Variants in ZNF544 observed in about 807,000 individuals in gnomAD.
ZNF544 encodes zinc finger protein 544, also known as zinc finger protein AF020591.
A neutral mutation model predicts 13.5 loss-of-function variants in ZNF544; 10 were observed. The ratio of observed to expected loss-of-function variants is 0.74; its 90% confidence interval spans 0.46 to 1.25. The LOEUF is 1.25. Ranked by LOEUF, ZNF544 falls within the 50% of genes most tolerant of loss-of-function variation. The probability of loss-of-function intolerance (pLI) is 0.00; values close to 1 mark genes in which losing one functional copy is unlikely to be tolerated. For missense variants in ZNF544, 896 were observed against 845.6 expected (o/e 1.06, Z -0.74); for synonymous variants, 323 against 300.5 (o/e 1.07, Z -0.77).
intron 6 of ZNF544, 136 bp downstream of exon 6, chr19:58,246,930 C>T: frequency 1.4e-6 from 1 of 694,506 alleles, no homozygotes; most frequent in East Asian, 2.7e-5. Context: ...GCAGTTCACC[C>T]ATTCAAAGGA....
At chr19:58,246,462 C>T in intron 5 of ZNF544, 35 bp downstream of exon 5, 1 of 1,611,898 alleles carries the variant, frequency 6.2e-7, no homozygotes, top group African/African-American at 1.3e-5. Context: ...AGGTTCTACC[C>T]CTAGGACTCA....
chr19:58,239,061 A>T (rs2146730913), intron 3 of ZNF544, among the ~76,000 whole-genome samples: 1 of 152,212 alleles, frequency 6.6e-6, no homozygotes, highest in East Asian at 1.9e-4. Flanking sequence ...CAGGAAGAGA[A>T]GGTGGTGAAA....
chr19:58,238,893 T>C (rs1048728755), intron 3 of ZNF544, among the ~76,000 whole-genome samples: 1 of 151,244 alleles, frequency 6.6e-6, no homozygotes, highest in African/African-American at 2.4e-5. Flanking sequence ...TACAATGCCC[T>C]GATCAGCATG....
rs117179984 is a variant in ZNF544 at position 58,249,001 on chromosome 19, A to G, written c.244+2207A>G. On this transcript the variant is annotated intron_variant, in intron 6 of 6. Coordinates refer to ENST00000687789, the MANE Select transcript of ZNF544 (RefSeq NM_014480.4). ...AGTGAAGTTACAAAGTTACACCTCT[A>G]TGCAGATGAAAACTAGGCCAGTGAC... Among the ~76,000 whole-genome samples the G allele has an allele frequency of 9.2e-3, 1,397 of 152,314 alleles. 50 individuals carry two copies. The highest frequency in any genetic ancestry group is 0.052 in the Admixed American group (796 of 15,288).
downstream of ZNF544, among the ~76,000 whole-genome samples, chr19:58,265,606 T>G (rs1235885362): frequency 6.6e-6 from 1 of 151,944 alleles, no homozygotes; most frequent in African/African-American, 2.4e-5. Context: ...CATTTATTTT[T>G]ATTTTTTGAC....
At chr19:58,243,203 C>T (rs139126229) in intron 3 of ZNF544, among the ~76,000 whole-genome samples, 2 of 152,032 alleles carry the variant, frequency 1.3e-5, no homozygotes, top group East Asian at 1.9e-4. Context: ...GTCGAGTGAG[C>T]GTAGTCATAT....
At chr19:58,233,849 T>A (rs1348633144) in intron 3 of ZNF544, among the ~76,000 whole-genome samples, 1 of 152,212 alleles carries the variant, frequency 6.6e-6, no homozygotes, top group Non-Finnish European at 1.5e-5. Context: ...CATTCCCACT[T>A]GGAAATTGTG....
Position 58,263,434 on chromosome 19 carries a change from C to T in ZNF544, c.*680C>T, listed in dbSNP as rs544900810. The T allele has an allele frequency of 1.4e-4, 142 of 985,096 alleles. 2 individuals are homozygous for T. In the African/African-American group the frequency reaches 2.2e-3, roughly 15 times the overall value. 61.0% of individuals were successfully genotyped at this position (985,096 alleles called of 1,614,324 possible). A position where few individuals can be genotyped will look rare whatever the true frequency, so the allele number is the denominator to read the frequency against. On this transcript the variant is annotated 3_prime_UTR_variant, in exon 7 of 7. Coordinates refer to ENST00000687789, the MANE Select transcript of ZNF544 (RefSeq NM_014480.4). Reference sequence around the variant, plus strand: ...TGTGATCATGCCATCACACCGCTGCCTTGTGAGAGATTGAGACACTCTAAA... The same window carrying T: ...TGTGATCATGCCATCACACCGCTGCTTTGTGAGAGATTGAGACACTCTAAA...
At chr19:58,250,596 T>C (rs544166508) in intron 6 of ZNF544, among the ~76,000 whole-genome samples, 1 of 152,340 alleles carries the variant, frequency 6.6e-6, no homozygotes, top group African/African-American at 2.4e-5. Context: ...CTGATGACTT[T>C]TCAAGGTTCC....
rs1343039669 is a variant in ZNF544, at chr19:58,246,408, G to A, written c.141G>A (p.Trp47Ter). The change falls in exon 5 of 7, where the codon TGG becomes TGA. Residue 47 changes from tryptophan (W) to a stop codon, truncating the protein, a stop_gained. Transcript: ENST00000687789. LOFTEE classifies it high-confidence loss of function. ...TLYREVTLET[W>*]EHIVSLGLFL... Reference sequence around the variant, plus strand: ...ACCGAGAGGTGACACTGGAGACCTGGGAGCATATTGTCTCCCTGGGTAAGT... The same window carrying A: ...ACCGAGAGGTGACACTGGAGACCTGAGAGCATATTGTCTCCCTGGGTAAGT... The A allele has an allele frequency of 1.9e-6, 3 of 1,613,950 alleles. No homozygotes were observed. The highest frequency in any genetic ancestry group is 3.3e-5 in the Admixed American group (2 of 59,986).
At chr19:58,241,176 T>TTTTAA (rs2043638126) in intron 3 of ZNF544, among the ~76,000 whole-genome samples, 1 of 92,566 alleles carries the variant, frequency 1.1e-5, no homozygotes, top group African/African-American at 4.7e-5. Flanking sequence ...TATATATATA[T>TTTTAA]ATATTTTTTT....
Position 58,261,904 on chromosome 19 carries a change from A to G in ZNF544, c.1298A>G (p.Glu433Gly). Residue 433 changes from glutamate to glycine, a missense_variant, in exon 7 of 7, where the codon GAA becomes GGA. Glu to Gly is a moderately conservative substitution (Grantham distance 98, BLOSUM62 -2). Transcript: ENST00000687789. ...ACACATCAGCGAATTCACACTGGAG[A>G]AAAACCGTATCAGTGTATTGAATGC... Reference protein sequence around the residue: ...LITHQRIHTGEKPYQCIECRK... With the variant: ...LITHQRIHTGGKPYQCIECRK... The G allele has an allele frequency of 6.2e-7, 1 of 1,613,282 alleles. No individual in the cohort carries two copies. Among genetic ancestry groups the G allele is most frequent in the Non-Finnish European group, 8.5e-7 (1 of 1,179,850 alleles).
intron 3 of ZNF544, among the ~76,000 whole-genome samples, chr19:58,241,127 A>G (rs1295308920): frequency 7.1e-6 from 1 of 140,956 alleles, no homozygotes; most frequent in South Asian, 2.2e-4. Flanking sequence ...ATGCACCACC[A>G]TGGCCAGCCA....
intron 5 of ZNF544, chr19:58,276,196 AAAAAAG>A (rs2051209082): frequency 4.6e-6 from 2 of 432,618 alleles, no homozygotes; most frequent in East Asian, 7.2e-5. Context: ...ATAAACAACA[AAAAAAG>A]AACACACAGG....
At chr19:58,243,456 G>A (rs919400065) in intron 3 of ZNF544, among the ~76,000 whole-genome samples, 8 of 138,980 alleles carry the variant, frequency 5.8e-5, no homozygotes, top group African/African-American at 2.0e-4. Flanking sequence ...TCAGTAGAGA[G>A]GGTGACAGGC....
intron 4 of ZNF544, 109 bp from the exon 5 acceptor site, chr19:58,246,192 C>G: frequency 6.9e-7 from 1 of 1,452,602 alleles, no homozygotes; most frequent in Non-Finnish European, 9.6e-7. Context: ...GTATTAGGTT[C>G]CAATGTATGA....
At chr19:58,237,165 G>T (rs1322943198) in intron 3 of ZNF544, among the ~76,000 whole-genome samples, 1 of 149,316 alleles carries the variant, frequency 6.7e-6, no homozygotes, top group Non-Finnish European at 1.5e-5. Flanking sequence ...CCAGGCTCCA[G>T]CAATCTTCCC....
At chr19:58,239,176 G>C (rs929972119) in intron 3 of ZNF544, among the ~76,000 whole-genome samples, 1 of 152,172 alleles carries the variant, frequency 6.6e-6, no homozygotes, top group Non-Finnish European at 1.5e-5. Flanking sequence ...AGGCTTGCCC[G>C]CAAGGTTCTT....
rs528555206 is a variant in ZNF544 at position 58,249,817 on chromosome 19, G to A, written c.244+3023G>A. On this transcript the variant is annotated intron_variant, in intron 6 of 6. Coordinates refer to ENST00000687789, the MANE Select transcript of ZNF544 (RefSeq NM_014480.4). ...GTATGGTGATGATACTTTGGCCAAT[G>A]TCTCTATTTTTTCTTTTTTACTTTG... Among the ~76,000 whole-genome samples the A allele has an allele frequency of 2.8e-4, 43 of 152,264 alleles. 1 individual carries two copies. The highest frequency in any genetic ancestry group is 1.0e-3 in the African/African-American group (43 of 41,558).
Sources: allele counts gnomAD v4.1 joint callset (sites outside exome capture counted in the v4.1 genomes callset), GRCh38; gene constraint gnomAD v4.1.1; transcripts MANE v1.5; gene names NCBI Gene and HGNC (gene_info 2026-07-23, HGNC 2026-07-21).